SLC24A3: variants seen among roughly 807,000 people sequenced by gnomAD.
The protein encoded by SLC24A3 is sodium/potassium/calcium exchanger 3.
Under a neutral mutation model 75.8 loss-of-function variants are expected in SLC24A3, and 28 were observed. The observed-to-expected ratio is 0.37, with a 90% CI of 0.27 to 0.51. The LOEUF (loss-of-function observed/expected upper bound fraction) is 0.51. Among genes scored for constraint, SLC24A3 ranks in the 20% least tolerant of loss-of-function variants. SLC24A3 has a pLI of 0.94. For synonymous variants in SLC24A3, 372 were observed against 334.1 expected (o/e 1.11, Z -1.24); for missense variants, 663 against 847.8 (o/e 0.78, Z 2.71).
intron 2 of SLC24A3, among the ~76,000 whole-genome samples, chr20:19,315,898 C>T (rs1984574408): frequency 6.6e-6 from 1 of 152,244 alleles, no homozygotes; most frequent in Admixed American, 6.5e-5. Context: ...TAGCAAGCAT[C>T]GTCACTTAGC....
chr20:19,649,759 C>T (rs1013994828), intron 6 of SLC24A3, among the ~76,000 whole-genome samples: 3 of 152,146 alleles, frequency 2.0e-5, no homozygotes, highest in Non-Finnish European at 2.9e-5. Flanking sequence ...TGTAGTGAAG[C>T]ATTGTAGTAT....
chr20:19,326,283 G>A (rs992003525), intron 2 of SLC24A3, among the ~76,000 whole-genome samples: 1 of 152,074 alleles, frequency 6.6e-6, no homozygotes, highest in Non-Finnish European at 1.5e-5. Flanking sequence ...CAACAGTGAG[G>A]GGCCATCATC....
chr20:19,448,494 C>T (rs1342135780), intron 2 of SLC24A3, among the ~76,000 whole-genome samples: 2 of 152,202 alleles, frequency 1.3e-5, no homozygotes, highest in African/African-American at 2.4e-5. Flanking sequence ...AGGTGTCACA[C>T]GATTTCTCTG....
intron 2 of SLC24A3, among the ~76,000 whole-genome samples, chr20:19,333,338 G>C (rs928645743): frequency 6.6e-5 from 10 of 152,148 alleles, no homozygotes; most frequent in African/African-American, 2.4e-4. Flanking sequence ...TAATGCATCT[G>C]TTCATTACAA....
chr20:19,424,075 T>C (rs1986960058), intron 2 of SLC24A3, among the ~76,000 whole-genome samples: 2 of 152,080 alleles, frequency 1.3e-5, no homozygotes, highest in Admixed American at 6.6e-5. Flanking sequence ...CATGGTGTGA[T>C]CTAGAAACAG....
chr20:19,389,957 A>G (rs964788014), intron 2 of SLC24A3, among the ~76,000 whole-genome samples: 3 of 152,122 alleles, frequency 2.0e-5, no homozygotes, highest in African/African-American at 7.2e-5. Flanking sequence ...GTAATCTCAA[A>G]TGACCTTTCT....
chr20:19,267,454 C>T (rs1983200281), intron 1 of SLC24A3, among the ~76,000 whole-genome samples: 1 of 152,182 alleles, frequency 6.6e-6, no homozygotes, highest in Admixed American at 6.5e-5. Context: ...GTAGATTAAT[C>T]TTGCAACTTT....
chr20:19,391,250 C>T (rs533458762), intron 2 of SLC24A3, among the ~76,000 whole-genome samples: 10 of 152,196 alleles, frequency 6.6e-5, no homozygotes, highest in Non-Finnish European at 1.2e-4. Flanking sequence ...CCCAAGGCTA[C>T]TAGCCAAGCT....
rs1600279172 is a variant in SLC24A3 at position 19,556,571 on chromosome 20, T to A, written c.349-23429T>A. Among the ~76,000 whole-genome samples the A allele has an allele frequency of 2.9e-5, 3 of 101,806 alleles. No individual in the cohort carries two copies. In the South Asian group the frequency reaches 1.2e-3, roughly 40 times the overall value. The allele number at this position is 101,806 out of a possible 152,430, so 66.8% of individuals were successfully genotyped here. The stretch of plus-strand genomic sequence containing the variant: ...GTAAAATTGTCACTGTAGTGGCCAG[T>A]GTGTGAAAAAAAAAAAAAAAAAAGA... On this transcript the variant is annotated intron_variant, in intron 3 of 16. Transcript: ENST00000328041.
chr20:19,521,050 C>A (rs1271159983), intron 3 of SLC24A3, among the ~76,000 whole-genome samples: 1 of 152,112 alleles, frequency 6.6e-6, no homozygotes, highest in African/African-American at 2.4e-5. Flanking sequence ...TTCAGGTCCA[C>A]TGTCTATTTC....
intron 6 of SLC24A3, among the ~76,000 whole-genome samples, chr20:19,587,565 C>A (rs563288946): frequency 6.6e-6 from 1 of 152,308 alleles, no homozygotes; most frequent in African/African-American, 2.4e-5. Context: ...CTGTCATGTG[C>A]CAAACTGGAG....
chr20:19,417,041 G>C (rs1350657289), intron 2 of SLC24A3, among the ~76,000 whole-genome samples: 3 of 152,134 alleles, frequency 2.0e-5, no homozygotes, highest in Non-Finnish European at 2.9e-5. Context: ...ACAAATGAAG[G>C]GTGACAGGAA....
At chr20:19,659,376 A>G (rs1286520747) in intron 7 of SLC24A3, among the ~76,000 whole-genome samples, 1 of 152,266 alleles carries the variant, frequency 6.6e-6, no homozygotes, top group Non-Finnish European at 1.5e-5. Context: ...ACAGGTGCCC[A>G]GCACTTCTAG....
chr20:19,263,151 C>T (rs1357876708), intron 1 of SLC24A3, among the ~76,000 whole-genome samples: 1 of 151,872 alleles, frequency 6.6e-6, no homozygotes, highest in Non-Finnish European at 1.5e-5. Context: ...TTCTGGCTTC[C>T]CATCAGATGA....
At chr20:19,621,911 C>T (rs1434632703) in intron 6 of SLC24A3, among the ~76,000 whole-genome samples, 2 of 152,188 alleles carry the variant, frequency 1.3e-5, no homozygotes, top group Admixed American at 6.5e-5. Flanking sequence ...GCCAAATCTC[C>T]TGGTTGCCAA....
chr20:19,464,145 G>T (rs1463038831), intron 2 of SLC24A3, among the ~76,000 whole-genome samples: 1 of 152,224 alleles, frequency 6.6e-6, no homozygotes, highest in African/African-American at 2.4e-5. Flanking sequence ...GTCAGGCCTT[G>T]CCCAGCCTTC....
intron 7 of SLC24A3, among the ~76,000 whole-genome samples, chr20:19,658,675 G>C (rs1003364237): frequency 3.9e-5 from 6 of 152,210 alleles, no homozygotes; most frequent in Non-Finnish European, 8.8e-5. Flanking sequence ...GGAGAGGCTG[G>C]ACAGGGGCTC....
In SLC24A3 at chr20:19,721,471, A is replaced by C. The variant is rs79388661; in HGVS notation, c.*331A>C. The stretch of plus-strand genomic sequence containing the variant: ...CCTGAGCCAGGCAACACTGATTCCA[A>C]TCCCTCCTCCTTTTTTAAGTTATTT... On this transcript the variant is annotated 3_prime_UTR_variant, in exon 17 of 17. Coordinates refer to ENST00000328041, the MANE Select transcript of SLC24A3 (RefSeq NM_020689.4). 8.3e-6 allele frequency: 2 copies of C among 241,026 alleles called. No homozygotes were observed. The highest frequency in any genetic ancestry group is 8.0e-6 in the Non-Finnish European group (1 of 125,416). 14.9% of individuals were successfully genotyped at this position (241,026 alleles called of 1,614,324 possible). A position where few individuals can be genotyped will look rare whatever the true frequency, so the allele number is the denominator to read the frequency against.
At chr20:19,302,466 C>T (rs1984218115) in intron 2 of SLC24A3, among the ~76,000 whole-genome samples, 1 of 152,114 alleles carries the variant, frequency 6.6e-6, no homozygotes, top group African/African-American at 2.4e-5. Flanking sequence ...TATTTATTTG[C>T]CAAATTAATA....
Sources: gnomAD v4.1 joint callset for allele counts (sites outside exome capture counted in the v4.1 genomes callset) on GRCh38, gnomAD v4.1.1 for gene constraint, MANE v1.5 for transcripts, NCBI Gene and HGNC (gene_info 2026-07-23, HGNC 2026-07-21) for gene names.